The following PRDM10 variants were observed in gnomAD, a reference collection of about 807,000 sequenced individuals.
The protein encoded by PRDM10 is PR/SET domain 10.
PRDM10 carries 65 observed loss-of-function variants against 133.1 expected under a neutral mutation model. The observed-to-expected ratio is 0.49, with a 90% CI of 0.40 to 0.60. PRDM10 has a LOEUF of 0.60. Ranked by LOEUF, PRDM10 falls within the 20% of genes least tolerant of loss-of-function variation. The pLI, the probability that PRDM10 is intolerant of heterozygous loss-of-function variation, is 0.00. For missense variants in PRDM10, 1,137 were observed against 1,507.1 expected (o/e 0.75, Z 4.07); for synonymous variants, 582 against 580.4 (o/e 1.00, Z -0.04).
At position 129,961,063 on chromosome 11, in the gene PRDM10, A is replaced by G; in HGVS notation, c.-99T>C. The G allele has an allele frequency of 9.5e-7, 1 of 1,050,872 alleles. No individual in the cohort carries two copies. Among genetic ancestry groups the G allele is most frequent in the Non-Finnish European group, 1.4e-6 (1 of 701,676 alleles). The allele number at this position is 1,050,872 out of a possible 1,614,324, so 65.1% of individuals were successfully genotyped here. A position where few individuals can be genotyped will look rare whatever the true frequency, so the allele number is the denominator to read the frequency against. On this transcript the variant is annotated 5_prime_UTR_variant, in exon 2 of 21. Coordinates refer to ENST00000360871, the MANE Select transcript of PRDM10 (RefSeq NM_199437.2). ...CACACGTGTGTTCATGAAGGACGGA[A>G]AGGTCTGTCTGCAGCATGCCTGAGA...
chr11:129,904,302 TC>T (rs1949943475), intron 20 of PRDM10, among the ~76,000 whole-genome samples: 1 of 152,258 alleles, frequency 6.6e-6, no homozygotes, highest in East Asian at 1.9e-4. Flanking sequence ...TCCTTTTTTT[TC>T]CTTCTAGCTT....
chr11:129,960,230 T>G (rs1024651449), intron 2 of PRDM10, among the ~76,000 whole-genome samples: 1 of 152,238 alleles, frequency 6.6e-6, no homozygotes, highest in Non-Finnish European at 1.5e-5. Flanking sequence ...GTATGTTTAC[T>G]ACAATGTTTA....
chr11:129,921,606 T>C (rs1950524615), intron 13 of PRDM10, among the ~76,000 whole-genome samples: 1 of 152,236 alleles, frequency 6.6e-6, no homozygotes, highest in Non-Finnish European at 1.5e-5. Context: ...ACTCTGATTC[T>C]ACTTTGAAAA....
intron 1 of PRDM10, among the ~76,000 whole-genome samples, chr11:129,962,098 T>C (rs1359273733): frequency 6.6e-6 from 1 of 152,212 alleles, no homozygotes; most frequent in Non-Finnish European, 1.5e-5. Flanking sequence ...TTTTCTCACA[T>C]GGTCAGTGTT....
intron 4 of PRDM10, among the ~76,000 whole-genome samples, chr11:129,949,799 T>C (rs1951532940): frequency 6.6e-6 from 1 of 151,198 alleles, no homozygotes; most frequent in Admixed American, 6.6e-5. Flanking sequence ...CTGGGCATGG[T>C]AGCGGGTGCC....
intron 19 of PRDM10, among the ~76,000 whole-genome samples, chr11:129,909,870 G>A (rs572422542): frequency 6.6e-5 from 10 of 152,278 alleles, no homozygotes; most frequent in East Asian, 3.9e-4. Context: ...CAGTGGGGTG[G>A]TTTAGAGTGG....
chr11:129,939,837 C>G (rs757670657), intron 7 of PRDM10, among the ~76,000 whole-genome samples: 1 of 152,168 alleles, frequency 6.6e-6, no homozygotes, highest in African/African-American at 2.4e-5. Context: ...TTCAAGGATA[C>G]GTGAGTCAAT....
intron 11 of PRDM10, chr11:129,929,348 AG>A: frequency 6.6e-7 from 1 of 1,510,132 alleles, no homozygotes; most frequent in Non-Finnish European, 8.9e-7. Context: ...CAGGTTGCAA[AG>A]AACAGCAGGT....
chr11:129,966,684 T>C (rs1951913629), intron 1 of PRDM10, among the ~76,000 whole-genome samples: 1 of 152,136 alleles, frequency 6.6e-6, no homozygotes, highest in African/African-American at 2.4e-5. Context: ...AGACAGCCCA[T>C]GTGGATGAAG....
intron 1 of PRDM10, among the ~76,000 whole-genome samples, chr11:129,994,268 T>TAGTCTTGA (rs1285231076): frequency 1.3e-5 from 2 of 151,374 alleles, no homozygotes; most frequent in African/African-American, 4.9e-5. Flanking sequence ...GAGACCAGCC[T>TAGTCTTGA]GGCCAACATG....
At chr11:129,929,891 A>T (rs1950799592) in intron 11 of PRDM10, among the ~76,000 whole-genome samples, 1 of 152,166 alleles carries the variant, frequency 6.6e-6, no homozygotes. Flanking sequence ...GATGGATGGG[A>T]TATTACTTCA....
intron 1 of PRDM10, among the ~76,000 whole-genome samples, chr11:129,996,343 C>A (rs1415742759): frequency 6.6e-6 from 1 of 152,158 alleles, no homozygotes; most frequent in Admixed American, 6.5e-5. Flanking sequence ...AGCCCGCAGG[C>A]GGCAGACACC....
At chr11:129,944,145 C>T (rs1951311402) in intron 6 of PRDM10, among the ~76,000 whole-genome samples, 1 of 152,170 alleles carries the variant, frequency 6.6e-6, no homozygotes, top group Non-Finnish European at 1.5e-5. Flanking sequence ...GAAACCAACC[C>T]TGCCAACGCC....
chr11:129,970,893 G>A (rs1403822394), intron 1 of PRDM10, among the ~76,000 whole-genome samples: 3 of 152,102 alleles, frequency 2.0e-5, no homozygotes, highest in African/African-American at 7.2e-5. Context: ...GTAGTCCAAA[G>A]TTTTCCACCA....
At chr11:129,972,482 A>T (rs757399701) in intron 1 of PRDM10, among the ~76,000 whole-genome samples, 5 of 152,256 alleles carry the variant, frequency 3.3e-5, no homozygotes, top group Admixed American at 6.5e-5. Flanking sequence ...CTCTTAAATG[A>T]AAGACACCTC....
chr11:129,930,948 A>C, intron 11 of PRDM10, 68 bp downstream of exon 11: 1 of 1,532,202 alleles, frequency 6.5e-7, no homozygotes, highest in Non-Finnish European at 8.7e-7. Flanking sequence ...TTAGAAAACC[A>C]CCAGAGAGCT....
At chr11:129,972,521 G>C (rs1952054701) in intron 1 of PRDM10, among the ~76,000 whole-genome samples, 1 of 152,196 alleles carries the variant, frequency 6.6e-6, no homozygotes, top group African/African-American at 2.4e-5. Flanking sequence ...TAGTGTTTTA[G>C]GGAGCATAGT....
At chr11:129,989,253 C>T (rs375485772) in intron 1 of PRDM10, among the ~76,000 whole-genome samples, 13 of 151,890 alleles carry the variant, frequency 8.6e-5, no homozygotes, top group African/African-American at 2.2e-4. Flanking sequence ...TTGCAGTGAG[C>T]GGTGATCATG....
chr11:129,955,429 G>A, intron 4 of PRDM10, 83 bp downstream of exon 4: 6 of 1,293,724 alleles, frequency 4.6e-6, no homozygotes, highest in Non-Finnish European at 6.6e-6. Context: ...ATCCAGAGAT[G>A]GTGCAGTGCA....
Sources: gnomAD v4.1 joint callset for allele counts (sites outside exome capture counted in the v4.1 genomes callset) on GRCh38, gnomAD v4.1.1 for gene constraint, MANE v1.5 for transcripts, NCBI Gene and HGNC (gene_info 2026-07-23, HGNC 2026-07-21) for gene names.